The following RSRC1 variants were observed in gnomAD, a reference collection of about 807,000 sequenced individuals.
RSRC1 encodes serine/Arginine-related protein 53.
A neutral mutation model predicts 49.1 loss-of-function variants in RSRC1; 39 were observed. The observed-to-expected ratio is 0.79, with a 90% confidence interval of 0.61 to 1.04. The LOEUF is 1.04. Among genes scored for constraint, RSRC1 ranks in the 50% least tolerant of loss-of-function variants. The pLI is 0.00. For missense variants in RSRC1, 388 were observed against 402.4 expected (o/e 0.96, Z 0.31); for synonymous variants, 143 against 130.8 (o/e 1.09, Z -0.63).
chr3:158,429,775 T>A (rs894777093), intron 6 of RSRC1, among the ~76,000 whole-genome samples: 2 of 151,432 alleles, frequency 1.3e-5, no homozygotes, highest in African/African-American at 4.8e-5. Flanking sequence ...GAAATGTCTG[T>A]CACAGAAAGA....
intron 7 of RSRC1, among the ~76,000 whole-genome samples, chr3:158,517,215 T>C (rs1740614115): frequency 1.3e-5 from 2 of 152,200 alleles, no homozygotes; most frequent in African/African-American, 4.8e-5. Flanking sequence ...GGCTGCTATA[T>C]AGAAATGAAG....
chr3:158,374,037 C>T (rs1732221787), intron 6 of RSRC1, among the ~76,000 whole-genome samples: 1 of 151,920 alleles, frequency 6.6e-6, no homozygotes, highest in Admixed American at 6.6e-5. Flanking sequence ...TTATGTTTAC[C>T]ATTTTCATGT....
At chr3:158,361,169 G>A (rs1313104249) in intron 6 of RSRC1, among the ~76,000 whole-genome samples, 2 of 152,120 alleles carry the variant, frequency 1.3e-5, no homozygotes, top group East Asian at 3.9e-4. Context: ...ACCCAAATGT[G>A]GGGCAGACAG....
chr3:158,517,180 A>G (rs922032274), intron 7 of RSRC1, among the ~76,000 whole-genome samples: 3 of 98,334 alleles, frequency 3.1e-5, no homozygotes, highest in Non-Finnish European at 2.1e-5. Flanking sequence ...TATTATTATC[A>G]TTTTACAATT....
At position 158,326,749 on chromosome 3, in the gene RSRC1, G is replaced by T. The variant is rs568449844; in HGVS notation, c.532-28108G>T. ...CAGGATGATGCTGGCCTCATAAAAT[G>T]AGTTAGGGAGGATTCCCTCTTTTTC... On this transcript the variant is annotated intron_variant, in intron 5 of 9. Transcript: ENST00000611884. Among the ~76,000 whole-genome samples the T allele has an allele frequency of 5.9e-5, 9 of 152,316 alleles. No individual in the cohort carries two copies. In the South Asian group the frequency reaches 1.7e-3, roughly 28 times the overall value.
chr3:158,277,567 A>T (rs957948225), intron 4 of RSRC1, among the ~76,000 whole-genome samples: 3 of 152,188 alleles, frequency 2.0e-5, no homozygotes, highest in African/African-American at 7.2e-5. Flanking sequence ...CTGGAAGTGT[A>T]ATTTGAGGTC....
At position 158,330,398 on chromosome 3, in the gene RSRC1, T is replaced by C. The variant is rs1252983278; in HGVS notation, c.532-24459T>C. 7.9e-5 allele frequency among the ~76,000 whole-genome samples: 12 copies of C among 152,350 alleles called. No homozygotes were observed. The East Asian group carries it at 2.1e-3, about 27-fold the overall frequency. On this transcript the variant is annotated intron_variant, in intron 5 of 9. Transcript: ENST00000611884. ...TATGAACAGATTTTTGTACGTATCT[T>C]AAATAATTGCATTAGGCTAGATTCT...
intron 4 of RSRC1, among the ~76,000 whole-genome samples, chr3:158,275,024 C>T (rs1326912641): frequency 3.3e-5 from 5 of 152,128 alleles, no homozygotes; most frequent in Non-Finnish European, 5.9e-5. Context: ...GTTATTGTTA[C>T]ATATTTTAAG....
At chr3:158,424,881 T>A (rs1334412560) in intron 6 of RSRC1, among the ~76,000 whole-genome samples, 3 of 152,078 alleles carry the variant, frequency 2.0e-5, no homozygotes, top group African/African-American at 4.8e-5. Flanking sequence ...GTGTTTGTAG[T>A]ATTCTCTGAT....
At chr3:158,509,113 A>G (rs1740020211) in intron 7 of RSRC1, among the ~76,000 whole-genome samples, 3 of 152,256 alleles carry the variant, frequency 2.0e-5, no homozygotes, top group South Asian at 2.1e-4. Context: ...ATTTCTTCTC[A>G]GAGTTGTATA....
At chr3:158,438,624 A>G (rs1253169236) in intron 6 of RSRC1, among the ~76,000 whole-genome samples, 2 of 152,208 alleles carry the variant, frequency 1.3e-5, no homozygotes, top group Non-Finnish European at 2.9e-5. Flanking sequence ...ATATGTAGAA[A>G]GCTGAAACTG....
intron 3 of RSRC1, among the ~76,000 whole-genome samples, chr3:158,146,786 A>G (rs957713034): frequency 3.3e-5 from 5 of 152,198 alleles, no homozygotes; most frequent in Admixed American, 2.6e-4. Context: ...GTAAGCTATT[A>G]ATTATTGCCT....
chr3:158,473,492 A>T (rs1326842370), intron 7 of RSRC1, among the ~76,000 whole-genome samples: 3 of 152,054 alleles, frequency 2.0e-5, no homozygotes, highest in Admixed American at 6.6e-5. Context: ...GAAGGGGAAC[A>T]TCACACACCG....
intron 7 of RSRC1, among the ~76,000 whole-genome samples, chr3:158,520,059 T>C (rs1377721974): frequency 6.6e-6 from 1 of 152,080 alleles, no homozygotes. Flanking sequence ...GAAATAGAAA[T>C]AGAATCCTTC....
chr3:158,538,912 A>G (rs976521814), intron 8 of RSRC1, among the ~76,000 whole-genome samples: 2 of 152,022 alleles, frequency 1.3e-5, no homozygotes, highest in South Asian at 4.1e-4. Flanking sequence ...GGGACAGTTT[A>G]TTACTTTAGA....
At chr3:158,399,893 C>G (rs1733814146) in intron 6 of RSRC1, among the ~76,000 whole-genome samples, 1 of 152,068 alleles carries the variant, frequency 6.6e-6, no homozygotes, top group Non-Finnish European at 1.5e-5. Context: ...CTCCAATAAA[C>G]AAGTGCTGTT....
At chr3:158,420,145 G>T (rs529253446) in intron 6 of RSRC1, among the ~76,000 whole-genome samples, 5 of 152,004 alleles carry the variant, frequency 3.3e-5, no homozygotes, top group African/African-American at 1.2e-4. Flanking sequence ...GTGCTCACAG[G>T]GTAGCACACT....
chr3:158,499,603 A>C (rs911015780), intron 7 of RSRC1, among the ~76,000 whole-genome samples: 2 of 152,062 alleles, frequency 1.3e-5, no homozygotes, highest in African/African-American at 4.8e-5. Flanking sequence ...CAGCTCCTTC[A>C]TTAGGTATAT....
At chr3:158,308,591 A>C (rs16828887) in intron 5 of RSRC1, among the ~76,000 whole-genome samples, 11,643 of 151,930 alleles carry the variant, frequency 0.077, 538 homozygotes, top group South Asian at 0.13. Flanking sequence ...CTGAGTCAAA[A>C]AACTAACAAA....
Sources: allele counts gnomAD v4.1 joint callset (sites outside exome capture counted in the v4.1 genomes callset), GRCh38; gene constraint gnomAD v4.1.1; transcripts MANE v1.5; gene names NCBI Gene and HGNC (gene_info 2026-07-23, HGNC 2026-07-21).